PBK: variants seen among roughly 807,000 people sequenced by gnomAD.
The protein encoded by PBK is PDZ binding kinase, also known as lymphokine-activated killer T-cell-originated protein kinase.
In PBK, 22 loss-of-function variants were observed where a neutral mutation model predicts 33.5. That is an observed-to-expected ratio of 0.66 (90% confidence interval 0.47 to 0.94). The LOEUF is 0.94. PBK is among the 40% of genes least tolerant of loss of function. PBK has a pLI of 0.00. For missense variants in PBK, 376 were observed against 383.4 expected (o/e 0.98, Z 0.16); for synonymous variants, 129 against 123.8 (o/e 1.04, Z -0.28).
rs71553893 is a variant in PBK at position 27,820,824 on chromosome 8, A to ATTTTTT, written c.466-136_466-131dup. On this transcript the variant is annotated intron_variant, in intron 5 of 7. Coordinates refer to ENST00000301905, the MANE Select transcript of PBK (RefSeq NM_018492.4). ...GTTTACATTTGTCCAGCGTTTCAAA[A>ATTTTTT]TTTTTTTTTTTTTTTTTAAAACGGA... 2,847 of 384,966 alleles carry ATTTTTT rather than the reference A, an allele frequency of 7.4e-3. 10 individuals carry two copies. Among genetic ancestry groups the ATTTTTT allele is most frequent in the East Asian group, 0.019 (383 of 19,966 alleles). The allele number at this position is 384,966 out of a possible 1,614,324, so 23.8% of individuals were successfully genotyped here. A position where few individuals can be genotyped will look rare whatever the true frequency, so the allele number is the denominator to read the frequency against.
At chr8:27,812,624 GAAAAAAAA>G (rs34477454) in intron 6 of PBK, 2 of 124,632 alleles carry the variant, frequency 1.6e-5, no homozygotes, top group African/African-American at 5.9e-5. Flanking sequence ...AAATTTACAA[GAAAAAAAA>G]AAAAAAAAAC....
Position 27,823,210 on chromosome 8 carries a change from G to A in PBK, c.153-5C>T. On this transcript the variant is annotated splice_region_variant and splice_polypyrimidine_tract_variant and intron_variant, in intron 3 of 7. Coordinates refer to ENST00000301905, the MANE Select transcript of PBK (RefSeq NM_018492.4). ...TGAGACAAACCTCTTGGAGATCTAAGAAAAAAATTCATTTAAAAAGGATAG... is the reference window on the plus strand; with the variant it reads ...TGAGACAAACCTCTTGGAGATCTAAAAAAAAAATTCATTTAAAAAGGATAG... 2 of 1,479,672 alleles carry A rather than the reference G, an allele frequency of 1.4e-6. No individual in the cohort carries two copies. The highest frequency in any genetic ancestry group is 1.8e-6 in the Non-Finnish European group (2 of 1,090,882). The allele number at this position is 1,479,672 out of a possible 1,614,324, so 91.7% of individuals were successfully genotyped here. A position where few individuals can be genotyped will look rare whatever the true frequency, so the allele number is the denominator to read the frequency against.
intron 4 of PBK, 150 bp downstream of exon 4, chr8:27,822,913 A>C: frequency 1.8e-6 from 1 of 547,694 alleles, no homozygotes. Flanking sequence ...GCAAATTTTT[A>C]TTTTAGACCA....
At chr8:27,811,291 T>C in intron 6 of PBK, 157 bp from the exon 7 acceptor site, 1 of 644,590 alleles carries the variant, frequency 1.6e-6, no homozygotes, top group Non-Finnish European at 2.7e-6. Context: ...TAAGGATTAC[T>C]TTCTACCTTT....
At chr8:27,819,475 G>A (rs9650423) in intron 6 of PBK, among the ~76,000 whole-genome samples, 23,939 of 151,736 alleles carry the variant, frequency 0.16, 2,394 homozygotes, top group East Asian at 0.37. Context: ...AAAATTATTC[G>A]GAAGTGTTTT....
chr8:27,833,407 G>A (rs1440371267), intron 1 of PBK, among the ~76,000 whole-genome samples: 1 of 152,062 alleles, frequency 6.6e-6, no homozygotes, highest in Non-Finnish European at 1.5e-5. Context: ...TGCTTGGGAG[G>A]CTGAGGCAGG....
Position 27,819,116 on chromosome 8 carries a change from T to C in PBK, c.595+1449A>G, listed in dbSNP as rs142810977. Among the ~76,000 whole-genome samples, 331 of 152,296 alleles carry C rather than the reference T, an allele frequency of 2.2e-3. 2 individuals carry two copies. Among genetic ancestry groups the C allele is most frequent in the African/African-American group, 7.7e-3 (322 of 41,580 alleles). ...AATTACTGTAGCTTTATAAAACTTT[T>C]TATCTGCTCAGGAAGATTCCTCCTC... On this transcript the variant is annotated intron_variant, in intron 6 of 7. Coordinates refer to ENST00000301905, the MANE Select transcript of PBK (RefSeq NM_018492.4).
rs772196242 is a variant in PBK at position 27,822,487 on chromosome 8, A to G, written c.297T>C (p.Gly99=). 5 of 1,587,356 alleles carry G rather than the reference A, an allele frequency of 3.1e-6. No individual in the cohort carries two copies. Among genetic ancestry groups the G allele is most frequent in the Non-Finnish European group, 4.3e-6 (5 of 1,167,524 alleles). ...CATTGGCTTCAGTAAAAGCACGATA[A>G]CCTTAAAGAAAACATGACATTTCTT... ...LKSLHHPNIV[G]YRAFTEANDG... The change falls in exon 5 of 8, where the codon GGT becomes GGC. Residue 99 remains glycine, a splice_region_variant and synonymous_variant. Transcript: ENST00000301905.
Position 27,820,621 on chromosome 8 carries a change from T to C in PBK, c.539A>G (p.Glu180Gly). ...TCCTACATCACAGATTTTAATTGTT[T>C]CAAAATCGCCTTTAATTACAACATT... ...SSNVVIKGDFETIKICDVGVS... is the reference protein window; with the variant it reads ...SSNVVIKGDFGTIKICDVGVS... The change falls in exon 6 of 8, where the codon GAA (glutamate) becomes GGA (glycine). Residue 180 changes from glutamate to glycine, a missense_variant. Physicochemically the swap from Glu to Gly is moderately conservative, Grantham distance 98. Coordinates refer to ENST00000301905, the MANE Select transcript of PBK (RefSeq NM_018492.4). 6.4e-7 allele frequency: 1 copy of C among 1,571,108 alleles called. No individual in the cohort carries two copies. Among genetic ancestry groups the C allele is most frequent in the Non-Finnish European group, 8.8e-7 (1 of 1,142,814 alleles).
chr8:27,821,764 C>T (rs1326029513), intron 5 of PBK, among the ~76,000 whole-genome samples: 1 of 152,172 alleles, frequency 6.6e-6, no homozygotes, highest in Non-Finnish European at 1.5e-5. Context: ...GTGAAGCATA[C>T]ATAAATTGTT....
At chr8:27,834,669 G>A (rs964976251) in intron 1 of PBK, among the ~76,000 whole-genome samples, 1 of 152,256 alleles carries the variant, frequency 6.6e-6, no homozygotes, top group Admixed American at 6.5e-5. Context: ...CAAGGCAGGC[G>A]GATCAGTTGA....
At chr8:27,826,522 G>A (rs1224939619) in intron 3 of PBK, among the ~76,000 whole-genome samples, 1 of 152,148 alleles carries the variant, frequency 6.6e-6, no homozygotes, top group South Asian at 2.1e-4. Flanking sequence ...AGGCACTGCT[G>A]TTCTTCAAGA....
chr8:27,820,099 TTCCCTGAGAAG>T (rs1428691680), intron 6 of PBK, among the ~76,000 whole-genome samples: 1 of 152,180 alleles, frequency 6.6e-6, no homozygotes. Flanking sequence ...ATATCTTAAA[TTCCCTGAGAAG>T]CTATGCAATA....
chr8:27,821,045 C>T (rs976492412), intron 5 of PBK, among the ~76,000 whole-genome samples: 3 of 151,738 alleles, frequency 2.0e-5, no homozygotes, highest in African/African-American at 4.8e-5. Flanking sequence ...GCTGGTCTGT[C>T]TCGAACTCCT....
intron 5 of PBK, 111 bp from the exon 6 acceptor site, chr8:27,820,805 A>T: frequency 1.7e-6 from 1 of 582,574 alleles, no homozygotes; most frequent in Middle Eastern, 4.3e-4. Flanking sequence ...CTAGGTTTAC[A>T]TTTGTCCAGC....
intron 3 of PBK, among the ~76,000 whole-genome samples, chr8:27,826,728 G>A (rs989739039): frequency 1.8e-5 from 2 of 109,846 alleles, no homozygotes; most frequent in African/African-American, 8.5e-5. Flanking sequence ...CCAGGGAGGC[G>A]GAGCTTGCAG....
At chr8:27,833,423 C>T (rs1222997460) in intron 1 of PBK, among the ~76,000 whole-genome samples, 1 of 151,824 alleles carries the variant, frequency 6.6e-6, no homozygotes, top group Non-Finnish European at 1.5e-5. Context: ...GCAGGAGAAT[C>T]GCTTGAACCT....
chr8:27,836,760 C>G (rs1409530564), intron 1 of PBK, among the ~76,000 whole-genome samples: 1 of 152,170 alleles, frequency 6.6e-6, no homozygotes, highest in African/African-American at 2.4e-5. Flanking sequence ...AAACCTATCT[C>G]TAAAAACAAC....
chr8:27,834,028 CT>C (rs71762494), intron 1 of PBK, among the ~76,000 whole-genome samples: 415 of 139,004 alleles, frequency 3.0e-3, no homozygotes, highest in African/African-American at 3.1e-3. Flanking sequence ...TATGATGATC[CT>C]TTTTTTTTTT....
Sources: gnomAD v4.1 joint callset for allele counts (sites outside exome capture counted in the v4.1 genomes callset) on GRCh38, gnomAD v4.1.1 for gene constraint, MANE v1.5 for transcripts, NCBI Gene and HGNC (gene_info 2026-07-23, HGNC 2026-07-21) for gene names.